The following CAMTA1 variants were observed in gnomAD, a reference collection of about 807,000 sequenced individuals.
CAMTA1 encodes calmodulin binding transcription activator 1.
CAMTA1 carries 27 observed loss-of-function variants against 170.9 expected under a neutral mutation model. The ratio of observed to expected loss-of-function variants is 0.16; its 90% confidence interval spans 0.12 to 0.22. The LOEUF (loss-of-function observed/expected upper bound fraction) is 0.22, where lower values mean the gene tolerates loss of function less well. Among genes scored for constraint, CAMTA1 ranks in the 10% least tolerant of loss-of-function variants. The pLI is 1.00. For missense variants in CAMTA1, 1,619 were observed against 2,217.2 expected, an observed-to-expected ratio of 0.73 and a Z score of 5.42; for synonymous variants, 833 against 891.5, an observed-to-expected ratio of 0.93 and a Z score of 1.17.
At chr1:6,958,079 T>G (rs1689762914) in intron 3 of CAMTA1, among the ~76,000 whole-genome samples, 1 of 151,714 alleles carries the variant, frequency 6.6e-6, no homozygotes, top group African/African-American at 2.4e-5. Context: ...AACCCAGGAG[T>G]GGACATACCC....
chr1:7,530,688 C>T (rs1421975212), intron 6 of CAMTA1, among the ~76,000 whole-genome samples: 1 of 152,054 alleles, frequency 6.6e-6, no homozygotes, highest in Non-Finnish European at 1.5e-5. Context: ...ACAGTAGGGA[C>T]TCATCACATG....
intron 6 of CAMTA1, among the ~76,000 whole-genome samples, chr1:7,469,724 C>T (rs2093293406): frequency 6.6e-6 from 1 of 152,246 alleles, no homozygotes; most frequent in Admixed American, 6.5e-5. Context: ...TCCCCTCATT[C>T]CATCATGCCC....
chr1:7,613,608 C>A (rs552176143), intron 6 of CAMTA1, among the ~76,000 whole-genome samples: 1 of 152,198 alleles, frequency 6.6e-6, no homozygotes, highest in East Asian at 1.9e-4. Context: ...TTAAATAGAA[C>A]AAGATTTAAG....
At chr1:7,152,689 C>G (rs528449018) in intron 4 of CAMTA1, among the ~76,000 whole-genome samples, 1 of 152,210 alleles carries the variant, frequency 6.6e-6, no homozygotes, top group Admixed American at 6.5e-5. Context: ...TCCCAGGAGG[C>G]GCCTCTGAGT....
intron 4 of CAMTA1, among the ~76,000 whole-genome samples, chr1:7,231,286 C>T (rs1388940795): frequency 6.6e-6 from 1 of 151,430 alleles, no homozygotes. Context: ...GGGGCCGTTG[C>T]AGGCACTGCG....
intron 4 of CAMTA1, among the ~76,000 whole-genome samples, chr1:7,237,180 G>C (rs965329859): frequency 1.3e-5 from 2 of 152,226 alleles, no homozygotes; most frequent in African/African-American, 4.8e-5. Flanking sequence ...TCCAGATACT[G>C]TTCCTGGAGT....
chr1:7,737,045 T>G (rs770160091), intron 14 of CAMTA1, 36 bp downstream of exon 14: 2 of 1,524,590 alleles, frequency 1.3e-6, no homozygotes, highest in Non-Finnish European at 1.8e-6. Context: ...CCCTTGCTGT[T>G]CTTCCAGTCT....
intron 3 of CAMTA1, among the ~76,000 whole-genome samples, chr1:6,959,271 G>T (rs553837586): frequency 7.2e-5 from 11 of 152,334 alleles, no homozygotes; most frequent in African/African-American, 2.4e-4. Context: ...TAGCTCAGAC[G>T]CTGTGAAGAA....
chr1:6,854,595 T>G (rs1661595882), intron 3 of CAMTA1, among the ~76,000 whole-genome samples: 1 of 152,226 alleles, frequency 6.6e-6, no homozygotes, highest in South Asian at 2.1e-4. Context: ...GACTGTACAT[T>G]CTTTTCATAT....
At chr1:7,185,975 G>A (rs1233416899) in intron 4 of CAMTA1, among the ~76,000 whole-genome samples, 1 of 152,194 alleles carries the variant, frequency 6.6e-6, no homozygotes, top group Non-Finnish European at 1.5e-5. Context: ...TTTATAGGAC[G>A]CTTGGTGAAA....
At chr1:6,888,423 G>A (rs905816073) in intron 3 of CAMTA1, among the ~76,000 whole-genome samples, 5 of 152,142 alleles carry the variant, frequency 3.3e-5, no homozygotes, top group South Asian at 4.2e-4. Context: ...TGATGGTATC[G>A]GTGCCTCCTG....
chr1:7,213,370 A>T (rs1573935866), intron 4 of CAMTA1, among the ~76,000 whole-genome samples: 1 of 152,270 alleles, frequency 6.6e-6, no homozygotes, highest in East Asian at 1.9e-4. Context: ...AATGATGTTG[A>T]ACACCTTTGC....
Position 7,044,802 on chromosome 1 carries a change from T to A in CAMTA1, c.235-46502T>A, listed in dbSNP as rs115416572. ...GCGCATCTTTCCCCCTCACGTCCTC[T>A]CCCCCACTCCCTCCTCTTCCCGCCT... is the stretch of plus-strand genomic sequence containing the variant. On this transcript the variant is annotated intron_variant, in intron 3 of 22. Transcript: ENST00000303635. The surrounding 1 kb of genome is among the most constrained non-coding windows in gnomAD (Gnocchi z 5.0). 0.022 allele frequency among the ~76,000 whole-genome samples: 3,173 copies of A among 144,828 alleles called. 112 individuals carry two copies. Among genetic ancestry groups the A allele is most frequent in the African/African-American group, 0.077 (3,028 of 39,200 alleles).
Position 7,752,480 on chromosome 1 carries a change from G to A in CAMTA1, c.4905G>A (p.Lys1635=), listed in dbSNP as rs758981063. The A allele has an allele frequency of 3.1e-6, 5 of 1,613,538 alleles. No homozygotes were observed. Among genetic ancestry groups the A allele is most frequent in the Middle Eastern group, 1.7e-4 (1 of 6,020 alleles). The part of the protein sequence containing the change: ...QKLRSSLLTK[K]QDQAARKIMR... Reference sequence around the variant, plus strand: ...TCAGGAGCAGTTTGCTAACCAAAAAGCAGGATCAAGCTGCTCGAAAAATAA... The same window carrying A: ...TCAGGAGCAGTTTGCTAACCAAAAAACAGGATCAAGCTGCTCGAAAAATAA... Residue 1635 remains lysine (K), a synonymous_variant, in exon 21 of 23, where the codon AAG becomes AAA. Coordinates refer to ENST00000303635, the MANE Select transcript of CAMTA1 (RefSeq NM_015215.4).
Position 6,858,493 on chromosome 1 carries a change from G to C in CAMTA1, c.234+33283G>C, listed in dbSNP as rs934617282. Reference sequence around the variant, plus strand: ...TGGTGTGTGTGTGTGTGTTGGGGGGGGGGTGTTGTGATTGTTTTATGCCCA... The same window carrying C: ...TGGTGTGTGTGTGTGTGTTGGGGGGCGGGTGTTGTGATTGTTTTATGCCCA... On this transcript the variant is annotated intron_variant, in intron 3 of 22. Coordinates refer to ENST00000303635, the MANE Select transcript of CAMTA1 (RefSeq NM_015215.4). Among the ~76,000 whole-genome samples, 3 of 145,510 alleles carry C rather than the reference G, an allele frequency of 2.1e-5. No homozygotes were observed. The Admixed American group carries it at 2.1e-4, about 10-fold the overall frequency.
At chr1:6,932,212 A>G (rs1038053588) in intron 3 of CAMTA1, among the ~76,000 whole-genome samples, 2 of 151,846 alleles carry the variant, frequency 1.3e-5, no homozygotes, top group African/African-American at 4.8e-5. Flanking sequence ...GGCAACCACC[A>G]CTCTGCTTTC....
intron 11 of CAMTA1, among the ~76,000 whole-genome samples, chr1:7,704,080 GC>G (rs1381021696): frequency 6.6e-6 from 1 of 151,660 alleles, no homozygotes; most frequent in Non-Finnish European, 1.5e-5. Flanking sequence ...TCGGGCCCCG[GC>G]CCCCTCCCTC....
intron 6 of CAMTA1, among the ~76,000 whole-genome samples, chr1:7,546,885 G>A (rs1317580915): frequency 6.6e-6 from 1 of 151,778 alleles, no homozygotes; most frequent in East Asian, 1.9e-4. Context: ...TTCAGGTGGT[G>A]TCTGCAAGGC....
intron 3 of CAMTA1, among the ~76,000 whole-genome samples, chr1:6,978,920 T>C (rs1418674173): frequency 6.6e-6 from 1 of 152,096 alleles, no homozygotes; most frequent in Non-Finnish European, 1.5e-5. Flanking sequence ...TCCCTGTCTG[T>C]CTCCACACCC....
Sources: gnomAD v4.1 joint callset for allele counts (sites outside exome capture counted in the v4.1 genomes callset) on GRCh38, gnomAD v4.1.1 for gene constraint, Gnocchi (gnomAD v3.1) non-coding constraint, MANE v1.5 for transcripts, NCBI Gene and HGNC (gene_info 2026-07-23, HGNC 2026-07-21) for gene names.